LRRIQ1: variants seen among roughly 807,000 people sequenced by gnomAD.
LRRIQ1 encodes the protein leucine rich repeats and IQ motif containing 1.
In LRRIQ1, 210 loss-of-function variants were observed where a neutral mutation model predicts 211.9. That is an observed-to-expected ratio of 0.99 (90% CI 0.89 to 1.11). LRRIQ1 has a LOEUF of 1.11. Ranked by LOEUF, LRRIQ1 falls within the 50% of genes most tolerant of loss-of-function variation. The probability of loss-of-function intolerance (pLI) is 0.00; values close to 1 mark genes in which losing one functional copy is unlikely to be tolerated. For synonymous variants in LRRIQ1, 699 were observed against 650.1 expected (o/e 1.08, Z -1.14); for missense variants, 2,136 against 1,939.5 (o/e 1.10, Z -1.90).
At chr12:85,089,293 G>A (rs1251393474) in intron 11 of LRRIQ1, among the ~76,000 whole-genome samples, 1 of 151,922 alleles carries the variant, frequency 6.6e-6, no homozygotes, top group African/African-American at 2.4e-5. Flanking sequence ...GCAGAAAATT[G>A]GTATCAAGAA....
At chr12:85,250,954 A>AATATATT (rs1895921150) in intron 1 of LRRIQ1, among the ~76,000 whole-genome samples, 3 of 112,438 alleles carry the variant, frequency 2.7e-5, no homozygotes, top group Non-Finnish European at 5.1e-5. Context: ...TATTTTATAT[A>AATATATT]TTATATATTA....
At chr12:85,044,367 G>C (rs922060368) in intron 3 of LRRIQ1, among the ~76,000 whole-genome samples, 5 of 151,906 alleles carry the variant, frequency 3.3e-5, no homozygotes, top group Admixed American at 6.6e-5. Flanking sequence ...GGTCATGTCT[G>C]GTTTGTGGCA....
At chr12:85,267,529 T>C (rs1224217819), downstream of LRRIQ1, among the ~76,000 whole-genome samples, 1 of 152,090 alleles carries the variant, frequency 6.6e-6, no homozygotes, top group Non-Finnish European at 1.5e-5. Context: ...AACTTTCATA[T>C]GGATGTGAGG....
At chr12:85,106,256 A>G (rs1054264575) in intron 14 of LRRIQ1, among the ~76,000 whole-genome samples, 4 of 152,162 alleles carry the variant, frequency 2.6e-5, no homozygotes, top group African/African-American at 7.2e-5. Flanking sequence ...ATCTCATTTA[A>G]TCCTAACCCT....
chr12:85,147,011 C>G (rs1431019961), intron 19 of LRRIQ1, among the ~76,000 whole-genome samples: 1 of 151,736 alleles, frequency 6.6e-6, no homozygotes, highest in Non-Finnish European at 1.5e-5. Context: ...GCCATGCTCA[C>G]TGATAAAATT....
In LRRIQ1 at chr12:85,040,568, A is replaced by T. The variant is rs1422415183; in HGVS notation, c.211A>T (p.Ile71Phe). ...KNRSKAVEEL[I>F]LQDLEDTDIL... The stretch of plus-strand genomic sequence containing the variant: ...CAGGAGTAAAGCTGTTGAAGAGCTC[A>T]TTCTTCAGGACCTGGAAGATACTGA... The change falls in exon 3 of 27, where the codon ATT becomes TTT. Residue 71 changes from isoleucine to phenylalanine, a missense_variant. Ile to Phe is a conservative substitution (Grantham distance 21). Coordinates refer to ENST00000393217, the MANE Select transcript of LRRIQ1 (RefSeq NM_001079910.2). 6.3e-7 allele frequency: 1 copy of T among 1,599,072 alleles called. No homozygotes were observed. The highest frequency in any genetic ancestry group is 1.1e-5 in the South Asian group (1 of 89,252).
intron 11 of LRRIQ1, among the ~76,000 whole-genome samples, chr12:85,097,091 G>C (rs890469156): frequency 1.6e-4 from 24 of 152,216 alleles, no homozygotes; most frequent in African/African-American, 5.5e-4. Context: ...CAGACAGATG[G>C]GTCTTGTTTT....
chr12:85,241,748 A>T (rs1028301303), intron 26 of LRRIQ1, among the ~76,000 whole-genome samples: 1 of 152,038 alleles, frequency 6.6e-6, no homozygotes, highest in Non-Finnish European at 1.5e-5. Context: ...GGTAATAAGT[A>T]CATAGACATT....
intron 25 of LRRIQ1, 55 bp from the exon 26 acceptor site, chr12:85,232,641 T>C: frequency 7.1e-7 from 1 of 1,414,298 alleles, no homozygotes. Flanking sequence ...GTTTCTTTTA[T>C]ATGCTTCCTC....
intron 15 of LRRIQ1, among the ~76,000 whole-genome samples, chr12:85,117,021 T>C (rs1408794879): frequency 6.6e-6 from 1 of 152,214 alleles, no homozygotes. Flanking sequence ...AACATTTGCG[T>C]GCATGTGGAA....
chr12:85,152,440 A>G (rs1419218086), intron 20 of LRRIQ1, 71 bp downstream of exon 20: 4 of 1,127,074 alleles, frequency 3.5e-6, no homozygotes, highest in Admixed American at 4.7e-5. Flanking sequence ...TGTTGCAGTG[A>G]TTAATAATAC....
intron 26 of LRRIQ1, among the ~76,000 whole-genome samples, chr12:85,244,310 TGGTC>T (rs1249625646): frequency 6.6e-6 from 1 of 151,524 alleles, no homozygotes; most frequent in African/African-American, 2.4e-5. Context: ...AAGGTAAAGA[TGGTC>T]TGTAGCTTAA....
chr12:85,193,192 C>T (rs950864139), intron 24 of LRRIQ1, among the ~76,000 whole-genome samples: 1 of 126,792 alleles, frequency 7.9e-6, no homozygotes, highest in African/African-American at 3.0e-5. Flanking sequence ...AAATCTACAT[C>T]TGATTGGTGT....
intron 13 of LRRIQ1, among the ~76,000 whole-genome samples, chr12:85,100,207 A>G (rs1330783991): frequency 6.6e-6 from 1 of 151,840 alleles, no homozygotes; most frequent in African/African-American, 2.4e-5. Context: ...TAAAGAGATT[A>G]TAAAGAAAAT....
chr12:85,216,408 G>A (rs1269702050), intron 24 of LRRIQ1, among the ~76,000 whole-genome samples: 1 of 151,666 alleles, frequency 6.6e-6, no homozygotes, highest in Non-Finnish European at 1.5e-5. Context: ...CAGGACCGCT[G>A]GTATGCAGGC....
chr12:85,067,827 A>G (rs550208614), intron 10 of LRRIQ1, among the ~76,000 whole-genome samples: 39 of 152,068 alleles, frequency 2.6e-4, no homozygotes, highest in Admixed American at 1.1e-3. Context: ...ATGAAAAAAA[A>G]GAAAACCTTT....
At position 85,154,055 on chromosome 12, in the gene LRRIQ1, G is replaced by C; in HGVS notation, c.4681G>C (p.Ala1561Pro). ...TACTGCTCAGCAAATGTTGAAGAGG[G>C]CACAGAAAATGAAATCGAAGAAACT... ...ISTAQQMLKR[A>P]QKMKSKKLKK... The change falls in exon 23 of 27, where the codon GCA becomes CCA. Residue 1561 changes from alanine to proline, a missense_variant. Transcript: ENST00000393217. 6.4e-7 allele frequency: 1 copy of C among 1,569,430 alleles called. No homozygotes were observed. The highest frequency in any genetic ancestry group is 8.6e-7 in the Non-Finnish European group (1 of 1,157,080).
intron 23 of LRRIQ1, chr12:85,159,479 C>G (rs1031737396): frequency 6.6e-5 from 10 of 151,880 alleles, no homozygotes; most frequent in African/African-American, 2.4e-4. Flanking sequence ...TTAATTTGTA[C>G]AGTACTACTA....
At chr12:85,193,518 C>G (rs1892714567) in intron 24 of LRRIQ1, among the ~76,000 whole-genome samples, 1 of 141,072 alleles carries the variant, frequency 7.1e-6, no homozygotes, top group Non-Finnish European at 1.5e-5. Flanking sequence ...GGCCAATATT[C>G]AACATTCTTA....
Sources: allele counts gnomAD v4.1 joint callset (sites outside exome capture counted in the v4.1 genomes callset), GRCh38; gene constraint gnomAD v4.1.1; transcripts MANE v1.5; gene names NCBI Gene and HGNC (gene_info 2026-07-23, HGNC 2026-07-21).